PPP2R2B: variants seen among roughly 807,000 people sequenced by gnomAD.
PPP2R2B encodes serine/threonine-protein phosphatase 2A 55 kDa regulatory subunit B beta isoform.
A neutral mutation model predicts 46.0 loss-of-function variants in PPP2R2B; 5 were observed. The ratio of observed to expected loss-of-function variants is 0.11; its 90% CI spans 0.06 to 0.23. The LOEUF (loss-of-function observed/expected upper bound fraction) is 0.23, where lower values mean the gene tolerates loss of function less well. PPP2R2B is among the 10% of genes least tolerant of loss of function. The probability of loss-of-function intolerance (pLI) is 1.00; values close to 1 mark genes in which losing one functional copy is unlikely to be tolerated. For missense variants in PPP2R2B, 367 were observed against 575.0 expected (o/e 0.64, Z 3.70); for synonymous variants, 215 against 206.7 (o/e 1.04, Z -0.34).
At chr5:146,642,317 G>T (rs543604858) in intron 6 of PPP2R2B, among the ~76,000 whole-genome samples, 1 of 152,202 alleles carries the variant, frequency 6.6e-6, no homozygotes, top group Non-Finnish European at 1.5e-5. Context: ...GCCACAAATG[G>T]TTCATCAGTG....
chr5:146,695,807 C>G (rs749147603), intron 4 of PPP2R2B, among the ~76,000 whole-genome samples: 1 of 152,052 alleles, frequency 6.6e-6, no homozygotes, highest in Non-Finnish European at 1.5e-5. Flanking sequence ...TACAGTAATT[C>G]CAATTGTCTT....
chr5:146,967,923 A>T (rs866296983), intron 1 of PPP2R2B, among the ~76,000 whole-genome samples: 1 of 152,052 alleles, frequency 6.6e-6, no homozygotes, highest in South Asian at 2.1e-4. Context: ...AAAGAGGAAA[A>T]TTTTCCCTTC....
At chr5:146,900,695 T>C (rs549350379) in intron 1 of PPP2R2B, among the ~76,000 whole-genome samples, 3 of 152,062 alleles carry the variant, frequency 2.0e-5, no homozygotes, top group African/African-American at 7.2e-5. Context: ...TAGGTAAATG[T>C]GTGTCACGGT....
chr5:146,908,229 T>A (rs1426545075), intron 1 of PPP2R2B, among the ~76,000 whole-genome samples: 1 of 152,140 alleles, frequency 6.6e-6, no homozygotes, highest in Non-Finnish European at 1.5e-5. Context: ...TTGAAGTAGA[T>A]CACAGTTGCA....
At chr5:146,864,739 C>A (rs319230) in intron 2 of PPP2R2B, among the ~76,000 whole-genome samples, 4 of 151,922 alleles carry the variant, frequency 2.6e-5, no homozygotes, top group African/African-American at 9.7e-5. Context: ...TGGAGCTTTG[C>A]GGGGTAGAAG....
intron 1 of PPP2R2B, among the ~76,000 whole-genome samples, chr5:146,931,436 A>G (rs777434488): frequency 1.3e-5 from 2 of 152,120 alleles, no homozygotes; most frequent in Non-Finnish European, 2.9e-5. Flanking sequence ...TCTTCTTTCT[A>G]AATGGGCAGT....
At chr5:146,902,940 C>T (rs574095580) in intron 1 of PPP2R2B, among the ~76,000 whole-genome samples, 1 of 152,186 alleles carries the variant, frequency 6.6e-6, no homozygotes. Context: ...TAGATCAAAA[C>T]CATTTTCATA....
At chr5:146,600,529 G>A (rs184674115) in intron 7 of PPP2R2B, 69 bp from the exon 8 acceptor site, 4 of 1,498,818 alleles carry the variant, frequency 2.7e-6, no homozygotes, top group Non-Finnish European at 3.6e-6. Flanking sequence ...TGTTTGGACT[G>A]GCTAGGAAGC....
chr5:146,638,856 A>G (rs1227175297), intron 6 of PPP2R2B, among the ~76,000 whole-genome samples: 2 of 152,340 alleles, frequency 1.3e-5, no homozygotes, highest in East Asian at 3.9e-4. Flanking sequence ...AGTGATATCT[A>G]TAATAATAGA....
At chr5:146,684,504 T>A (rs2151142213) in intron 5 of PPP2R2B, among the ~76,000 whole-genome samples, 1 of 152,324 alleles carries the variant, frequency 6.6e-6, no homozygotes, top group East Asian at 1.9e-4. Context: ...ATTAGATACC[T>A]GGCCCCTCAG....
At chr5:146,933,238 A>C (rs1048603823) in intron 1 of PPP2R2B, among the ~76,000 whole-genome samples, 1 of 152,126 alleles carries the variant, frequency 6.6e-6, no homozygotes, top group Admixed American at 6.6e-5. Flanking sequence ...GTTATTTCCT[A>C]AGATTTTTTT....
At chr5:146,808,319 A>G (rs1345275718) in intron 2 of PPP2R2B, among the ~76,000 whole-genome samples, 2 of 152,214 alleles carry the variant, frequency 1.3e-5, no homozygotes, top group African/African-American at 2.4e-5. Context: ...ACCATGTTGA[A>G]TAGCACAGAT....
intron 1 of PPP2R2B, among the ~76,000 whole-genome samples, chr5:146,936,276 T>A (rs779095747): frequency 2.0e-5 from 3 of 152,114 alleles, no homozygotes; most frequent in Non-Finnish European, 4.4e-5. Context: ...AGTCATTTGA[T>A]ACAATCATTG....
Position 146,733,638 on chromosome 5 carries a change from G to A in PPP2R2B, c.71-32496C>T, listed in dbSNP as rs568292302. On this transcript the variant is annotated intron_variant, in intron 2 of 9. Transcript: ENST00000394411. The stretch of plus-strand genomic sequence containing the variant: ...GAGCTTTAGACTAACCTCCCTCCAA[G>A]TCTAGAATTGGCAACCAGTTTGAGA... 2.4e-4 allele frequency among the ~76,000 whole-genome samples: 37 copies of A among 152,234 alleles called. No individual in the cohort carries two copies. The South Asian group carries it at 5.4e-3, about 22-fold the overall frequency.
In PPP2R2B at chr5:146,580,889, A is replaced by G. The variant is rs1254650224; in HGVS notation, c.*9058T>C. On this transcript the variant is annotated 3_prime_UTR_variant, in exon 10 of 10. Coordinates refer to ENST00000394411, the MANE Select transcript of PPP2R2B (RefSeq NM_181675.4). The stretch of plus-strand genomic sequence containing the variant: ...TAATGAATCAACCCCGTGCTGGTCA[A>G]AGTGAAGAGCTTCTTTGAGTCATGA... 6.6e-6 allele frequency among the ~76,000 whole-genome samples: 1 copy of G among 152,190 alleles called. No individual in the cohort carries two copies. The highest frequency in any genetic ancestry group is 2.4e-5 in the African/African-American group (1 of 41,454).
chr5:146,791,260 C>A (rs1756182791), intron 2 of PPP2R2B, among the ~76,000 whole-genome samples: 1 of 152,196 alleles, frequency 6.6e-6, no homozygotes, highest in Admixed American at 6.5e-5. Flanking sequence ...AACTATCATA[C>A]TGCTATATCT....
At chr5:146,894,585 G>A (rs1281419400) in intron 1 of PPP2R2B, among the ~76,000 whole-genome samples, 7 of 152,034 alleles carry the variant, frequency 4.6e-5, no homozygotes, top group African/African-American at 1.7e-4. Flanking sequence ...GACCACAGGC[G>A]TGCGCCACCA....
intron 2 of PPP2R2B, among the ~76,000 whole-genome samples, chr5:146,802,823 C>T (rs186429651): frequency 6.6e-6 from 1 of 152,090 alleles, no homozygotes; most frequent in Admixed American, 6.6e-5. Flanking sequence ...AACTTGTGCC[C>T]CAAGGCTCAG....
At chr5:146,850,022 G>A (rs1582264722) in intron 2 of PPP2R2B, among the ~76,000 whole-genome samples, 1 of 152,114 alleles carries the variant, frequency 6.6e-6, no homozygotes, top group African/African-American at 2.4e-5. Context: ...CAAAGGGAAA[G>A]GTGCTAAAGT....
Sources: allele counts gnomAD v4.1 joint callset (sites outside exome capture counted in the v4.1 genomes callset), GRCh38; gene constraint gnomAD v4.1.1; transcripts MANE v1.5; gene names NCBI Gene and HGNC (gene_info 2026-07-23, HGNC 2026-07-21).